CPLANE1: variants seen among roughly 807,000 people sequenced by gnomAD.
CPLANE1 encodes the protein ciliogenesis and planar polarity effector complex subunit 1, also known as ciliogenesis and planar polarity effector 1.
A neutral mutation model predicts 362.5 loss-of-function variants in CPLANE1; 263 were observed. That is an observed-to-expected ratio of 0.73 (90% CI 0.66 to 0.80). The LOEUF (loss-of-function observed/expected upper bound fraction) is 0.80, where lower values mean the gene tolerates loss of function less well. Ranked by LOEUF, CPLANE1 falls within the 30% of genes least tolerant of loss-of-function variation. CPLANE1 has a pLI of 0.00. For missense variants in CPLANE1, 3,461 were observed against 3,793.4 expected, an observed-to-expected ratio of 0.91 and a Z score of 2.30; for synonymous variants, 1,212 against 1,302.6, an observed-to-expected ratio of 0.93 and a Z score of 1.50.
chr5:37,224,634 G>T lies in CPLANE1; in HGVS notation c.2398C>A (p.His800Asn), dbSNP rs1260724286. 1.3e-6 allele frequency: 2 copies of T among 1,550,912 alleles called. No individual in the cohort carries two copies. Among genetic ancestry groups the T allele is most frequent in the Non-Finnish European group, 1.7e-6 (2 of 1,146,298 alleles). ...AGGGACTTGACAGTAGATGCTTCATGTGTCATCTTTTCAGTTAACTGACTA... is the reference window on the plus strand; with the variant it reads ...AGGGACTTGACAGTAGATGCTTCATTTGTCATCTTTTCAGTTAACTGACTA... ...ADSQLTEKMTHEASTVKSLLC... is the reference protein window; with the variant it reads ...ADSQLTEKMTNEASTVKSLLC... Residue 800 changes from histidine to asparagine, a missense_variant, in exon 13 of 53, where the codon CAT (histidine) becomes AAT (asparagine). Coordinates refer to ENST00000651892, the MANE Select transcript of CPLANE1 (RefSeq NM_001384732.1).
At chr5:37,242,350 T>C (rs936512680) in intron 6 of CPLANE1, among the ~76,000 whole-genome samples, 3 of 150,600 alleles carry the variant, frequency 2.0e-5, no homozygotes, top group African/African-American at 4.9e-5. Context: ...CAAGACTCCA[T>C]CTCAAAAAAA....
At chr5:37,090,966 T>C in the CPLANE1 span, among the ~76,000 whole-genome samples, 1 of 152,212 alleles carries the variant, frequency 6.6e-6, no homozygotes, top group Non-Finnish European at 1.5e-5. Context: ...GCCTGGCCCA[T>C]TGGCTTATGG....
At chr5:37,118,129 T>G (rs1032614821) in intron 50 of CPLANE1, among the ~76,000 whole-genome samples, 4 of 152,160 alleles carry the variant, frequency 2.6e-5, no homozygotes, top group African/African-American at 9.7e-5. Context: ...GCATGATAGC[T>G]CACACCTGTA....
rs758779344 is a variant in CPLANE1, at chr5:37,169,028, A to C, written c.6996T>G (p.Ser2332=). The change falls in exon 34 of 53, where the codon TCT becomes TCG. Residue 2332 remains serine (S), a synonymous_variant. Transcript: ENST00000651892. ...GTTTTTCTGGTTTTATAAACACTGA[A>C]GAGTCCTGTTGAGGTGTCAAATTTT... ...GQENLTPQQD[S]SVFIKPEKLF... 4 of 1,614,094 alleles carry C rather than the reference A, an allele frequency of 2.5e-6. No individual in the cohort carries two copies. In the African/African-American group the frequency reaches 5.3e-5, roughly 22 times the overall value.
intron 46 of CPLANE1, among the ~76,000 whole-genome samples, chr5:37,129,944 G>A (rs538137995): frequency 2.0e-5 from 3 of 152,284 alleles, no homozygotes; most frequent in East Asian, 3.9e-4. Context: ...ACTTACACAC[G>A]CATGTTTATA....
chr5:37,201,836 A>G, intron 18 of CPLANE1, 28 bp from the exon 19 acceptor site: 12 of 1,506,802 alleles, frequency 8.0e-6, no homozygotes, highest in Non-Finnish European at 1.1e-5. Context: ...TTGGTAAAAT[A>G]GTTAAAGCTT....
In CPLANE1 at chr5:37,107,689, G is replaced by A. The variant is rs571665485; in HGVS notation, c.9669C>T (p.Leu3223=). 3.1e-6 allele frequency: 5 copies of A among 1,611,896 alleles called. No homozygotes were observed. The highest frequency in any genetic ancestry group is 3.4e-6 in the Non-Finnish European group (4 of 1,179,148). ...CGATGGCATTCCAGTCCAGCTTGCT[G>A]AGGATGCTGCCAGTGCTCTCAGACA... is the stretch of plus-strand genomic sequence containing the variant. The part of the protein sequence containing the change: ...DSVSESTGSI[L]SKLDWNAIED... Residue 3223 remains leucine, a synonymous_variant, in exon 53 of 53, where the codon CTC becomes CTT. Coordinates refer to ENST00000651892, the MANE Select transcript of CPLANE1 (RefSeq NM_001384732.1).
rs764283549 is a variant in CPLANE1 at position 37,170,173 on chromosome 5, G to A, written c.6330C>T (p.Asn2110=). 1 of 1,614,004 alleles carries A rather than the reference G, an allele frequency of 6.2e-7. No individual in the cohort carries two copies. The highest frequency in any genetic ancestry group is 1.1e-5 in the South Asian group (1 of 91,078). ...LRGCGDVEDS[N]KNLKERFFIK... ...TAAAAAATCTCTCCTTAAGATTTTT[G>A]TTGCTGTCTTCAACATCACCACATC... Residue 2110 remains asparagine, a synonymous_variant, in exon 33 of 53, where the codon AAC becomes AAT. Coordinates refer to ENST00000651892, the MANE Select transcript of CPLANE1 (RefSeq NM_001384732.1).
At chr5:37,208,958 A>G (rs1056149079) in intron 16 of CPLANE1, among the ~76,000 whole-genome samples, 4 of 151,662 alleles carry the variant, frequency 2.6e-5, no homozygotes, top group African/African-American at 9.7e-5. Flanking sequence ...AGAAAAGAAA[A>G]AAAGAAAACA....
At chr5:37,131,569 C>G (rs1022523448) in intron 46 of CPLANE1, among the ~76,000 whole-genome samples, 4 of 150,964 alleles carry the variant, frequency 2.6e-5, no homozygotes, top group Non-Finnish European at 4.4e-5. Context: ...TCGCTCTAGT[C>G]GCCCAGGCTG....
chr5:37,085,370 G>T, the CPLANE1 span: 1 of 1,348,044 alleles, frequency 7.4e-7, no homozygotes, highest in Non-Finnish European at 1.1e-6. Flanking sequence ...ATGACACCAA[G>T]GGTCGCTTTG....
At position 37,227,368 on chromosome 5, in the gene CPLANE1, G is replaced by A. The variant is rs201292596; in HGVS notation, c.1396C>T (p.Arg466Ter). Reference sequence around the variant, plus strand: ...CTAGACCTTAGGGAATTCAGTGATCGCAAGTTCAGTCCTTTGCCTTTTGGC... The same window carrying A: ...CTAGACCTTAGGGAATTCAGTGATCACAAGTTCAGTCCTTTGCCTTTTGGC... ...SKPKGKGLNL[R>*]SLNSLRSSLL... Residue 466 changes from arginine to a stop codon, truncating the protein, a stop_gained, in exon 11 of 53, where the codon CGA becomes TGA. Coordinates refer to ENST00000651892, the MANE Select transcript of CPLANE1 (RefSeq NM_001384732.1). LOFTEE classifies it high-confidence loss of function. 7.8e-6 allele frequency: 12 copies of A among 1,546,378 alleles called. No individual in the cohort carries two copies. Among genetic ancestry groups the A allele is most frequent in the East Asian group, 4.9e-5 (2 of 40,842 alleles).
chr5:37,167,242 G>T (rs1778498502), intron 34 of CPLANE1, 29 bp from the exon 35 acceptor site: 7 of 1,558,004 alleles, frequency 4.5e-6, no homozygotes, highest in South Asian at 3.6e-5. Context: ...GCATAAGAAT[G>T]ACAAATTGCA....
chr5:37,177,443 T>C (rs963807152), intron 30 of CPLANE1, among the ~76,000 whole-genome samples, 178 bp downstream of exon 30: 1 of 152,320 alleles, frequency 6.6e-6, no homozygotes, highest in South Asian at 2.1e-4. Context: ...ACTCTATCAA[T>C]ACATAGAAGT....
chr5:37,219,252 G>A (rs1794832401), intron 15 of CPLANE1, among the ~76,000 whole-genome samples: 1 of 152,056 alleles, frequency 6.6e-6, no homozygotes, highest in African/African-American at 2.4e-5. Context: ...ACGCATGGCT[G>A]GGCACAGTGG....
At chr5:37,118,577 T>C (rs958726413) in intron 50 of CPLANE1, among the ~76,000 whole-genome samples, 3 of 152,162 alleles carry the variant, frequency 2.0e-5, no homozygotes, top group African/African-American at 4.8e-5. Context: ...CACTTCCTAG[T>C]TGTATGATCT....
chr5:37,215,554 G>A (rs1456671659), intron 15 of CPLANE1, among the ~76,000 whole-genome samples: 2 of 152,076 alleles, frequency 1.3e-5, no homozygotes, highest in Non-Finnish European at 2.9e-5. Flanking sequence ...GGGTGTTGGT[G>A]CTCCTAACCC....
the CPLANE1 span, among the ~76,000 whole-genome samples, chr5:37,090,276 G>C: frequency 6.6e-6 from 1 of 152,188 alleles, no homozygotes; most frequent in African/African-American, 2.4e-5. Context: ...CTCCCCTACA[G>C]GGTTAATAGG....
intron 29 of CPLANE1, among the ~76,000 whole-genome samples, chr5:37,178,075 T>C (rs1326881203): frequency 2.0e-5 from 3 of 152,116 alleles, no homozygotes; most frequent in East Asian, 1.9e-4. Flanking sequence ...GCAGATCTAC[T>C]TGAGGTCAGG....
Sources: gnomAD v4.1 joint callset for allele counts (sites outside exome capture counted in the v4.1 genomes callset) on GRCh38, gnomAD v4.1.1 for gene constraint, MANE v1.5 for transcripts, NCBI Gene and HGNC (gene_info 2026-07-23, HGNC 2026-07-21) for gene names.